The following ATG9B variants were observed in gnomAD, a reference collection of about 807,000 sequenced individuals.
The protein encoded by ATG9B is autophagy-related protein 9B.
Under a neutral mutation model 92.9 loss-of-function variants are expected in ATG9B, and 92 were observed. That is an observed-to-expected ratio of 0.99 (90% CI 0.84 to 1.18). The LOEUF (loss-of-function observed/expected upper bound fraction) is 1.18. Among genes scored for constraint, ATG9B ranks in the 50% most tolerant of loss-of-function variants. The pLI is 0.00. For missense variants in ATG9B, 1,344 were observed against 1,235.0 expected (o/e 1.09, Z -1.32); for synonymous variants, 599 against 551.4 (o/e 1.09, Z -1.21).
Position 151,023,167 on chromosome 7 carries a change from A to T in ATG9B, c.699T>A (p.Leu233=), listed in dbSNP as rs144643284. The change falls in exon 4 of 14, where the codon CTT becomes CTA. Residue 233 remains leucine, a synonymous_variant. Transcript: ENST00000639579. ...IFIVTFTTFL[L]RCVDYNVLFA... is the part of the protein sequence containing the mutation. ...AGAGAACATTGTAATCCACGCATCGAAGGAGGAAGGTTGTGAAGGTGACAA... is the reference window on the plus strand; with the variant it reads ...AGAGAACATTGTAATCCACGCATCGTAGGAGGAAGGTTGTGAAGGTGACAA... The T allele has an allele frequency of 2.9e-5, 47 of 1,614,164 alleles. No individual in the cohort carries two copies. The African/African-American group carries it at 4.8e-4, about 16-fold the overall frequency.
At chr7:151,016,393 T>A (rs1255785925) in intron 11 of ATG9B, 38 bp downstream of exon 11, 1 of 1,543,776 alleles carries the variant, frequency 6.5e-7, no homozygotes. Context: ...TCACCTGCCT[T>A]CTCTCCACAT....
Position 151,024,184 on chromosome 7 carries a change from C to A in ATG9B, c.240G>T (p.Gly80=), listed in dbSNP as rs377733523. The change falls in exon 1 of 14, where the codon GGG becomes GGT. Residue 80 remains glycine, a synonymous_variant. Coordinates refer to ENST00000639579, the MANE Select transcript of ATG9B (RefSeq NM_001317056.2). ...TAGPPCSVLQ[G]TGASQSCHSA... Reference sequence around the variant, plus strand: ...TGTGGCAAGACTGAGAAGCCCCTGTCCCCTGTAGCACTGAGCAAGGGGGCC... The same window carrying A: ...TGTGGCAAGACTGAGAAGCCCCTGTACCCTGTAGCACTGAGCAAGGGGGCC... The A allele has an allele frequency of 7.1e-6, 11 of 1,546,002 alleles. No homozygotes were observed. Among genetic ancestry groups the A allele is most frequent in the Non-Finnish European group, 8.7e-7 (1 of 1,145,840 alleles).
chr7:151,016,650 CCT>C (rs766924604), intron 10 of ATG9B, 36 bp downstream of exon 10: 1 of 1,549,952 alleles, frequency 6.5e-7, no homozygotes, highest in Non-Finnish European at 8.7e-7. Context: ...AGCCCACCCC[CCT>C]CCACATGCCC....
At chr7:151,017,727 G>T (rs1445767302) in intron 8 of ATG9B, 144 bp downstream of exon 8, 1 of 1,029,172 alleles carries the variant, frequency 9.7e-7, no homozygotes, top group Non-Finnish European at 1.4e-6. Context: ...ACAGACGAGG[G>T]CACGAGAGCA....
At position 151,018,177 on chromosome 7, in the gene ATG9B, C is replaced by T. The variant is rs1359374912; in HGVS notation, c.1872+117G>A. ...CCCCACCCAGTCACTCCCTAGACTC[C>T]TGGTATAGTCCGTTTGTCTCATGCC... On this transcript the variant is annotated intron_variant, in intron 7 of 13. Transcript: ENST00000639579. The surrounding 1 kb of genome is among the most constrained non-coding windows in gnomAD (Gnocchi z 4.7). 1.4e-6 allele frequency: 2 copies of T among 1,465,240 alleles called. No individual in the cohort carries two copies. Among genetic ancestry groups the T allele is most frequent in the East Asian group, 4.9e-5 (2 of 40,950 alleles). The allele number at this position is 1,465,240 out of a possible 1,614,324, so 90.8% of individuals were successfully genotyped here.
chr7:151,021,363 G>A (rs753946740), intron 4 of ATG9B, 34 bp from the exon 5 acceptor site: 1 of 1,545,694 alleles, frequency 6.5e-7, no homozygotes, highest in Non-Finnish European at 8.7e-7. Flanking sequence ...GGGGGAGAAA[G>A]GTGGGCGCCT....
In ATG9B at chr7:151,018,781, G is replaced by C; in HGVS notation, c.1557C>G (p.Pro519=). 7.1e-7 allele frequency: 1 copy of C among 1,402,664 alleles called. No homozygotes were observed. The highest frequency in any genetic ancestry group is 9.2e-7 in the Non-Finnish European group (1 of 1,081,780). 86.9% of individuals were successfully genotyped at this position (1,402,664 alleles called of 1,614,324 possible). Residue 519 remains proline (P), a synonymous_variant, in exon 6 of 14, where the codon CCC becomes CCG. Transcript: ENST00000639579. This position sits in a 1 kb window ranked among gnomAD's most constrained non-coding sequence, Gnocchi z 4.7. ...PAAAFLRTAA[P]PAPLRTLLAR... ...CCAGCAGCGTGCGCAGGGGCGCGGGGGGCGCAGCGGTGCGCAGGAAGGCGG... is the reference window on the plus strand; with the variant it reads ...CCAGCAGCGTGCGCAGGGGCGCGGGCGGCGCAGCGGTGCGCAGGAAGGCGG...
Position 151,024,322 on chromosome 7 carries a change from A to T in ATG9B, c.102T>A (p.Pro34=). The T allele has an allele frequency of 7.7e-6, 11 of 1,424,204 alleles. No homozygotes were observed. Among genetic ancestry groups the T allele is most frequent in the Non-Finnish European group, 1.0e-5 (11 of 1,085,106 alleles). 88.2% of individuals were successfully genotyped at this position (1,424,204 alleles called of 1,614,324 possible). A position where few individuals can be genotyped will look rare whatever the true frequency, so the allele number is the denominator to read the frequency against. ...GTCCCCGGCATGAAGGAGGAGGAGG[A>T]GGTGGCAGTGGCATGGGGAGGAGGG... The part of the protein sequence containing the change: ...SVPLLPMPLP[P]PPPPSCRGPG... The change falls in exon 1 of 14, where the codon CCT becomes CCA. Residue 34 remains proline (P), a synonymous_variant. Transcript: ENST00000639579.
chr7:151,013,286 C>T (rs952972358), downstream of ATG9B: 2 of 1,614,126 alleles, frequency 1.2e-6, no homozygotes, highest in Non-Finnish European at 8.5e-7. Context: ...CCCAACTTGA[C>T]CATCTCTACC....
At chr7:151,013,845 C>G (rs770689076), downstream of ATG9B, 20 of 1,605,718 alleles carry the variant, frequency 1.2e-5, no homozygotes, top group Non-Finnish European at 1.7e-5. Flanking sequence ...GTCCTGCAGA[C>G]CGTGCAGCGC....
rs1271830310 is a variant in ATG9B at position 151,023,088 on chromosome 7, T to A, written c.778A>T (p.Thr260Ser). The change falls in exon 4 of 14, where the codon ACC (threonine) becomes TCC (serine). Residue 260 changes from threonine (T) to serine (S), a missense_variant. Physicochemically the swap from Thr to Ser is moderately conservative, Grantham distance 58. Transcript: ENST00000639579. The part of the protein sequence containing the change: ...TRPGPFHSKV[T>S]LSDAILPSAQ... ...GAGGGTAGGATGGCATCTGACAGGG[T>A]CACTTTGCTGTGGAACGGCCCAGGT... is the stretch of plus-strand genomic sequence containing the variant. The A allele has an allele frequency of 6.2e-7, 1 of 1,613,962 alleles. No individual in the cohort carries two copies. Among genetic ancestry groups the A allele is most frequent in the African/African-American group, 1.3e-5 (1 of 74,882 alleles).
chr7:151,013,775 G>C (rs765463421), downstream of ATG9B: 40 of 1,611,524 alleles, frequency 2.5e-5, no homozygotes, highest in Middle Eastern at 1.6e-4. Flanking sequence ...GGTGCACCGC[G>C]TGCTGTGCCT....
Position 151,018,896 on chromosome 7 carries a change from C to T in ATG9B, c.1442G>A (p.Trp481Ter). 2 of 1,461,460 alleles carry T rather than the reference C, an allele frequency of 1.4e-6. No homozygotes were observed. The highest frequency in any genetic ancestry group is 1.8e-6 in the Non-Finnish European group (2 of 1,115,454). The allele number at this position is 1,461,460 out of a possible 1,614,324, so 90.5% of individuals were successfully genotyped here. A position where few individuals can be genotyped will look rare whatever the true frequency, so the allele number is the denominator to read the frequency against. ...CAGCTGCAAGCGCGCCAGGCGGGAC[C>T]AGCCGCGCGCCCCCAGCGCGCCAGG... is the stretch of plus-strand genomic sequence containing the variant. ...REPGALGARG[W>*]SRLARLQLRH... is the part of the protein sequence containing the mutation. Residue 481 changes from tryptophan (W) to a stop codon, truncating the protein, a stop_gained, in exon 6 of 14, where the codon TGG becomes TAG. Coordinates refer to ENST00000639579, the MANE Select transcript of ATG9B (RefSeq NM_001317056.2). LOFTEE classifies it high-confidence loss of function. This position sits in a 1 kb window ranked among gnomAD's most constrained non-coding sequence, Gnocchi z 4.7.
chr7:151,015,130 G>A (rs1795427319), downstream of ATG9B: 1 of 152,210 alleles, frequency 6.6e-6, no homozygotes, highest in South Asian at 2.1e-4. Flanking sequence ...GGGCCTGCCA[G>A]AAACAAGAGT....
At position 151,018,633 on chromosome 7, in the gene ATG9B, CGGT is replaced by C; in HGVS notation, c.1702_1704del (p.Thr568del). The C allele has an allele frequency of 6.2e-7, 1 of 1,604,852 alleles. No individual in the cohort carries two copies. The highest frequency in any genetic ancestry group is 8.5e-7 in the Non-Finnish European group (1 of 1,178,386). ...CTGCCGTCGCACCTGGCGACGGTGGCGGTGACCCCGAGCGCGGTCATGGCGGTG... is the reference window on the plus strand; with the variant it reads ...CTGCCGTCGCACCTGGCGACGGTGGCGACCCCGAGCGCGGTCATGGCGGTG... On this transcript the variant is annotated inframe_deletion, in exon 6 of 14. Coordinates refer to ENST00000639579, the MANE Select transcript of ATG9B (RefSeq NM_001317056.2). This position sits in a 1 kb window ranked among gnomAD's most constrained non-coding sequence, Gnocchi z 4.7.
downstream of ATG9B, chr7:151,012,448 C>T (rs1795325978): frequency 2.5e-6 from 4 of 1,611,278 alleles, no homozygotes; most frequent in African/African-American, 1.3e-5. Context: ...CTGGCAGGAG[C>T]GGCTGCATGA....
chr7:151,017,346 C>T, intron 8 of ATG9B, 74 bp from the exon 9 acceptor site: 1 of 1,357,878 alleles, frequency 7.4e-7, no homozygotes, highest in South Asian at 1.4e-5. Flanking sequence ...GGAAACACTG[C>T]CCCATCTTCC....
downstream of ATG9B, chr7:151,013,042 C>T: frequency 3.2e-6 from 2 of 632,762 alleles, no homozygotes; most frequent in South Asian, 4.3e-5. Flanking sequence ...TCCCTTCCCT[C>T]TGTAAATCAG....
At position 151,023,887 on chromosome 7, in the gene ATG9B, A is replaced by G; in HGVS notation, c.537T>C (p.Pro179=). ...CCACACACATACCTCGGAGCCCTTC[A>G]GGGACATGAAGCAGGGGTTGCTGCT... ...GEEQQPLLHV[P]EGLRGSWHHI... The change falls in exon 1 of 14, where the codon CCT becomes CCC. Residue 179 remains proline, a synonymous_variant. Coordinates refer to ENST00000639579, the MANE Select transcript of ATG9B (RefSeq NM_001317056.2). 1.2e-6 allele frequency: 2 copies of G among 1,609,856 alleles called. No homozygotes were observed. Among genetic ancestry groups the G allele is most frequent in the Non-Finnish European group, 1.7e-6 (2 of 1,178,350 alleles).
Sources: allele counts gnomAD v4.1 joint callset, GRCh38; gene constraint gnomAD v4.1.1; non-coding constraint Gnocchi (gnomAD v3.1); transcripts MANE v1.5; gene names NCBI Gene and HGNC (gene_info 2026-07-23, HGNC 2026-07-21).